Variants in PHTF2 observed in about 807,000 individuals in gnomAD.
PHTF2 encodes putative homeodomain transcription factor 2.
A neutral mutation model predicts 101.2 loss-of-function variants in PHTF2; 60 were observed. The observed-to-expected ratio is 0.59, with a 90% confidence interval of 0.48 to 0.73. The LOEUF (loss-of-function observed/expected upper bound fraction) is 0.73, where lower values mean the gene tolerates loss of function less well. Among genes scored for constraint, PHTF2 ranks in the 30% least tolerant of loss-of-function variants. The probability of loss-of-function intolerance (pLI) is 0.00; values close to 1 mark genes in which losing one functional copy is unlikely to be tolerated. For missense variants in PHTF2, 747 were observed against 908.7 expected (o/e 0.82, Z 2.29); for synonymous variants, 311 against 307.3 (o/e 1.01, Z -0.13).
chr7:77,954,538 A>G (rs1007192448), intron 19 of PHTF2, among the ~76,000 whole-genome samples: 5 of 150,466 alleles, frequency 3.3e-5, no homozygotes, highest in African/African-American at 1.2e-4. Context: ...CTGTATAGCA[A>G]TGCATACATC....
At chr7:77,922,525 T>A (rs1047326301) in intron 10 of PHTF2, 98 bp from the exon 10 acceptor site, 1 of 775,074 alleles carries the variant, frequency 1.3e-6, no homozygotes, top group Non-Finnish European at 1.9e-6. Context: ...TTTGAAGTTG[T>A]GTGTATATAT....
At chr7:77,947,166 A>G (rs1316797277) in intron 16 of PHTF2, among the ~76,000 whole-genome samples, 2 of 151,912 alleles carry the variant, frequency 1.3e-5, no homozygotes, top group Non-Finnish European at 2.9e-5. Flanking sequence ...CAATAGCAAC[A>G]ACAACAACAA....
At chr7:77,942,659 T>C (rs775944956) in intron 15 of PHTF2, 41 bp from the exon 15 acceptor site, 2 of 1,122,956 alleles carry the variant, frequency 1.8e-6, no homozygotes, top group Non-Finnish European at 1.3e-6. Flanking sequence ...TAAATATATT[T>C]TAAAATGTTT....
At chr7:77,935,545 C>A (rs1043119656) in intron 12 of PHTF2, among the ~76,000 whole-genome samples, 1 of 152,182 alleles carries the variant, frequency 6.6e-6, no homozygotes. Context: ...TTTTAAAATT[C>A]ACCAGTTTCT....
intron 7 of PHTF2, among the ~76,000 whole-genome samples, chr7:77,905,745 G>A (rs931073189): frequency 6.6e-6 from 1 of 151,460 alleles, no homozygotes; most frequent in Non-Finnish European, 1.5e-5. Flanking sequence ...CAGTCCACCC[G>A]CCTCAGCCTG....
chr7:77,902,641 C>G (rs780793272), intron 7 of PHTF2, among the ~76,000 whole-genome samples: 3 of 151,818 alleles, frequency 2.0e-5, no homozygotes, highest in Non-Finnish European at 2.9e-5. Context: ...AAAGAAGAAA[C>G]TATTCATATT....
chr7:77,918,611 A>C (rs1324065739), intron 9 of PHTF2, among the ~76,000 whole-genome samples: 1 of 152,162 alleles, frequency 6.6e-6, no homozygotes, highest in Non-Finnish European at 1.5e-5. Context: ...TTCAAGGGAG[A>C]GGTAAAGGAG....
intron 12 of PHTF2, among the ~76,000 whole-genome samples, chr7:77,930,445 T>TTG (rs1390035442): frequency 7.1e-6 from 1 of 141,542 alleles, no homozygotes; most frequent in East Asian, 2.1e-4. Context: ...ATCTACTCAC[T>TTG]AGTCCAGAAA....
intron 13 of PHTF2, 96 bp from the exon 13 acceptor site, chr7:77,939,934 A>G (rs1805499954): frequency 1.1e-6 from 1 of 909,208 alleles, no homozygotes; most frequent in African/African-American, 1.7e-5. Flanking sequence ...ATATTTTAAC[A>G]AATGATTTCA....
At chr7:77,892,040 G>A (rs1379356856) in intron 3 of PHTF2, among the ~76,000 whole-genome samples, 4 of 152,216 alleles carry the variant, frequency 2.6e-5, no homozygotes, top group Non-Finnish European at 4.4e-5. Flanking sequence ...CACTATGGGA[G>A]GCTGAGGTGG....
chr7:77,949,782 A>G (rs1372074299), exon 17 of PHTF2: 21 of 1,546,434 alleles, frequency 1.4e-5, no homozygotes, highest in Non-Finnish European at 1.7e-5. Context: ...TTACCCTTGG[A>G]TCAGAAACAA....
intron 7 of PHTF2, among the ~76,000 whole-genome samples, chr7:77,907,566 C>T (rs1328995258): frequency 6.6e-6 from 1 of 152,036 alleles, no homozygotes; most frequent in African/African-American, 2.4e-5. Flanking sequence ...ATTGTCCAAC[C>T]CAAGTTTACT....
At chr7:77,900,561 G>A in intron 5 of PHTF2, 150 bp from the exon 5 acceptor site, 1 of 625,288 alleles carries the variant, frequency 1.6e-6, no homozygotes, top group Non-Finnish European at 2.9e-6. Flanking sequence ...TACTGTAATT[G>A]TGTTCTGTTT....
intron 1 of PHTF2, among the ~76,000 whole-genome samples, chr7:77,820,016 A>G (rs570811601): frequency 1.3e-5 from 2 of 152,192 alleles, no homozygotes; most frequent in East Asian, 3.9e-4. Context: ...CAGCCTCCTC[A>G]GTAGCTGGAA....
chr7:77,897,482 T>A lies in PHTF2; in HGVS notation c.217-3229T>A, dbSNP rs1371014239. Among the ~76,000 whole-genome samples, 3 of 151,968 alleles carry A rather than the reference T, an allele frequency of 2.0e-5. No individual in the cohort carries two copies. The East Asian group carries it at 5.8e-4, about 29-fold the overall frequency. ...TTGCATTTGTGGTGCTTGTTTCTAC[T>A]TTCTAGTTTGTGCATAAATTAGTAG... On this transcript the variant is annotated intron_variant, in intron 5 of 19. Transcript: ENST00000416283.
chr7:77,880,967 C>T (rs900302851), intron 3 of PHTF2, among the ~76,000 whole-genome samples: 21 of 152,136 alleles, frequency 1.4e-4, no homozygotes, highest in African/African-American at 4.8e-4. Context: ...CTAATACCAA[C>T]TCAGCTGCTT....
chr7:77,829,104 C>G (rs1317482098), intron 1 of PHTF2, among the ~76,000 whole-genome samples: 2 of 152,224 alleles, frequency 1.3e-5, no homozygotes, highest in Admixed American at 1.3e-4. Context: ...ACACTTGAGC[C>G]CAGGAGTTTG....
At chr7:77,907,541 C>T (rs1207282362) in intron 7 of PHTF2, among the ~76,000 whole-genome samples, 5 of 152,096 alleles carry the variant, frequency 3.3e-5, no homozygotes, top group Admixed American at 6.5e-5. Context: ...GGCCATATGT[C>T]CCAGTTTGCC....
chr7:77,936,491 A>G (rs895858717), intron 12 of PHTF2, among the ~76,000 whole-genome samples: 2 of 152,040 alleles, frequency 1.3e-5, no homozygotes, highest in African/African-American at 2.4e-5. Flanking sequence ...CCTGGTCAAC[A>G]TGGTGAAACC....
Sources: gnomAD v4.1 joint callset for allele counts (sites outside exome capture counted in the v4.1 genomes callset) on GRCh38, gnomAD v4.1.1 for gene constraint, MANE v1.5 for transcripts, NCBI Gene and HGNC (gene_info 2026-07-23, HGNC 2026-07-21) for gene names.